FAN1: variants seen among roughly 807,000 people sequenced by gnomAD.
FAN1 encodes FANCD2 and FANCI associated nuclease 1, also known as fanconi-associated nuclease 1.
In FAN1, 91 loss-of-function variants were observed where a neutral mutation model predicts 104.9. That is an observed-to-expected ratio of 0.87 (90% CI 0.73 to 1.03). FAN1 has a LOEUF of 1.03. FAN1 is among the 50% of genes least tolerant of loss of function. FAN1 has a pLI of 0.00. For synonymous variants in FAN1, 478 were observed against 457.6 expected, an observed-to-expected ratio of 1.04 and a Z score of -0.57; for missense variants, 1,263 against 1,239.9, an observed-to-expected ratio of 1.02 and a Z score of -0.28.
chr15:30,929,591 TTATA>T (rs1411582494), intron 12 of FAN1, among the ~76,000 whole-genome samples, 194 bp downstream of exon 12: 11 of 130,954 alleles, frequency 8.4e-5, no homozygotes, highest in African/African-American at 2.9e-4. Flanking sequence ...ATATTATATA[TTATA>T]TATTACATAT....
At position 30,910,756 on chromosome 15, in the gene FAN1, G is replaced by C; in HGVS notation, c.1518G>C (p.Gln506His). ...LVDAFLKLAK[Q>H]RSVCTWGKNK... ...ACGCCTTTCTCAAATTGGCCAAACA[G>C]CGTTCAGTCTGCACTTGGGGCAAGA... Residue 506 changes from glutamine to histidine, a missense_variant, in exon 4 of 15, where the codon CAG becomes CAC. Around this residue, in one of 2 missense-constraint regions of FAN1, gnomAD observed 581 missense variants for 668.8 expected, o/e 0.87. Coordinates refer to ENST00000362065, the MANE Select transcript of FAN1 (RefSeq NM_014967.5). The C allele has an allele frequency of 6.2e-7, 1 of 1,614,142 alleles. No homozygotes were observed.
At chr15:30,927,176 T>A (rs1245344033) in intron 10 of FAN1, 1 of 965,768 alleles carries the variant, frequency 1.0e-6, no homozygotes. Context: ...GCCACTGCAC[T>A]CCAGTCTGGG....
At chr15:30,930,882 G>A (rs1045863678) in intron 13 of FAN1, among the ~76,000 whole-genome samples, 1 of 152,164 alleles carries the variant, frequency 6.6e-6, no homozygotes, top group Non-Finnish European at 1.5e-5. Flanking sequence ...GAGCAAGACA[G>A]AGCTCCATCT....
chr15:30,919,015 G>T (rs1355816648), intron 6 of FAN1, among the ~76,000 whole-genome samples: 1 of 152,120 alleles, frequency 6.6e-6, no homozygotes, highest in Non-Finnish European at 1.5e-5. Context: ...AACACACATT[G>T]GATATGTTAT....
Position 30,914,017 on chromosome 15 carries a change from C to T in FAN1, c.1737C>T (p.Leu579=), listed in dbSNP as rs1431488248. The change falls in exon 5 of 15, where the codon CTC becomes CTT. Residue 579 remains leucine (L), a synonymous_variant. Transcript: ENST00000362065. ...GQLSTVLLVN[L]GRMEFPSYTI... The stretch of plus-strand genomic sequence containing the variant: ...TTTCAACAGTCCTGTTGGTCAACCT[C>T]GGCCGAATGGAGTTTCCTAGTTACA... The T allele has an allele frequency of 8.1e-6, 13 of 1,614,056 alleles. No individual in the cohort carries two copies. The highest frequency in any genetic ancestry group is 6.7e-5 in the East Asian group (3 of 44,896).
intron 13 of FAN1, among the ~76,000 whole-genome samples, chr15:30,934,891 A>G (rs918487319): frequency 3.3e-5 from 5 of 152,208 alleles, no homozygotes. Flanking sequence ...TCTACGTGTT[A>G]TATGTTCTAT....
In FAN1 at chr15:30,941,549, A is replaced by G; in HGVS notation, c.*4-17A>G. ...AAATTTGCTTAATGGTGTTCCTAAA[A>G]TGCTTCGTCTGCACAGATTCCCTAC... On this transcript the variant is annotated splice_polypyrimidine_tract_variant and intron_variant, in intron 14 of 14. Coordinates refer to ENST00000362065, the MANE Select transcript of FAN1 (RefSeq NM_014967.5). 1 of 1,606,134 alleles carries G rather than the reference A, an allele frequency of 6.2e-7. No individual in the cohort carries two copies. Among genetic ancestry groups the G allele is most frequent in the Non-Finnish European group, 8.5e-7 (1 of 1,175,688 alleles).
chr15:30,916,470 G>A (rs577089570), intron 5 of FAN1, among the ~76,000 whole-genome samples: 2 of 152,114 alleles, frequency 1.3e-5, no homozygotes, highest in Non-Finnish European at 2.9e-5. Context: ...AGTTCAAAAG[G>A]CATCTCATAT....
chr15:30,925,146 A>G lies in FAN1; in HGVS notation c.2192A>G (p.Glu731Gly), dbSNP rs747313162. Residue 731 changes from glutamate (E) to glycine (G), a missense_variant, in exon 9 of 15, where the codon GAG becomes GGG. Coordinates refer to ENST00000362065, the MANE Select transcript of FAN1 (RefSeq NM_014967.5). ...TGCCAGACTATCAAGTGCATCACAG[A>G]GGGGCTGGCGGATCCGGAAGTCAGA... Reference protein sequence around the residue: ...RLEPTIKCITEGLADPEVRTG... With the variant: ...RLEPTIKCITGGLADPEVRTG... 2.4e-5 allele frequency: 38 copies of G among 1,613,762 alleles called. No homozygotes were observed. The highest frequency in any genetic ancestry group is 3.3e-4 in the Middle Eastern group (2 of 6,082).
intron 5 of FAN1, among the ~76,000 whole-genome samples, chr15:30,917,482 A>C (rs1227193467): frequency 6.6e-6 from 1 of 152,134 alleles, no homozygotes; most frequent in Non-Finnish European, 1.5e-5. Context: ...CAATTTCTTT[A>C]CTCTTACTTT....
intron 10 of FAN1, 89 bp from the exon 11 acceptor site, chr15:30,928,464 T>C (rs1342709992): frequency 1.7e-5 from 26 of 1,555,064 alleles, no homozygotes; most frequent in Non-Finnish European, 2.2e-5. Context: ...GAGTGTGCAG[T>C]AGGTTATGGT....
intron 14 of FAN1, chr15:30,940,454 AG>A (rs1214294723): frequency 1.0e-6 from 1 of 985,328 alleles, no homozygotes; most frequent in Non-Finnish European, 1.2e-6. Context: ...CTATGAGAGA[AG>A]GACATCTGTG....
Position 30,930,681 on chromosome 15 carries a change from G to C in FAN1, c.2916+10G>C. ...GAGCCGTCACTTTAAGGTCAGTTGA[G>C]GCAGAATGGAAAGTCCTGTTGGTAA... On this transcript the variant is annotated intron_variant, in intron 13 of 14. Coordinates refer to ENST00000362065, the MANE Select transcript of FAN1 (RefSeq NM_014967.5). 6.2e-7 allele frequency: 1 copy of C among 1,612,572 alleles called. No homozygotes were observed. Among genetic ancestry groups the C allele is most frequent in the Non-Finnish European group, 8.5e-7 (1 of 1,179,462 alleles).
intron 3 of FAN1, among the ~76,000 whole-genome samples, chr15:30,909,194 G>T (rs2062045580): frequency 6.6e-6 from 1 of 152,122 alleles, no homozygotes; most frequent in Non-Finnish European, 1.5e-5. Context: ...TCAAGTTGCT[G>T]ACATTTTAGA....
chr15:30,939,193 AAAGT>A, intron 14 of FAN1: 1 of 985,428 alleles, frequency 1.0e-6, no homozygotes, highest in Non-Finnish European at 1.2e-6. Context: ...TTCCTTAAAT[AAAGT>A]TAGTTAGCTA....
chr15:30,929,846 A>AAT (rs1158621747), intron 12 of FAN1, among the ~76,000 whole-genome samples: 1 of 78,280 alleles, frequency 1.3e-5, no homozygotes, highest in African/African-American at 7.5e-5. Flanking sequence ...TAATATATAA[A>AAT]ATATATATCA....
At chr15:30,930,031 ATATT>A (rs2062665135) in intron 12 of FAN1, among the ~76,000 whole-genome samples, 2 of 138,660 alleles carry the variant, frequency 1.4e-5, no homozygotes, top group South Asian at 4.2e-4. Context: ...AATAATATAT[ATATT>A]AATATTATAT....
In FAN1 at chr15:30,942,976, G is replaced by A. The variant is rs199738979; in HGVS notation, c.*1414G>A. ...TAGAAGGGGTTATGGAAAAGGGTGC[G>A]ATCCTTTGCTGTAAACTGGAGAGAC... On this transcript the variant is annotated 3_prime_UTR_variant, in exon 15 of 15. Coordinates refer to ENST00000362065, the MANE Select transcript of FAN1 (RefSeq NM_014967.5). The A allele has an allele frequency of 4.2e-4, 660 of 1,555,686 alleles. No individual in the cohort carries two copies. Among genetic ancestry groups the A allele is most frequent in the Non-Finnish European group, 5.3e-4 (614 of 1,148,458 alleles).
At chr15:30,933,009 C>T (rs760353066) in intron 13 of FAN1, among the ~76,000 whole-genome samples, 7 of 151,936 alleles carry the variant, frequency 4.6e-5, no homozygotes, top group Non-Finnish European at 7.4e-5. Flanking sequence ...TGTGAGCCAC[C>T]GCACACGGCC....
Sources: allele counts gnomAD v4.1 joint callset (sites outside exome capture counted in the v4.1 genomes callset), GRCh38; gene constraint gnomAD v4.1.1; regional missense constraint gnomAD v4.1.1; transcripts MANE v1.5; gene names NCBI Gene and HGNC (gene_info 2026-07-23, HGNC 2026-07-21).